LMBRD1: variants seen among roughly 807,000 people sequenced by gnomAD.
The protein encoded by LMBRD1 is lysosomal cobalamin transport escort protein LMBD1.
LMBRD1 carries 64 observed loss-of-function variants against 74.8 expected under a neutral mutation model. The observed-to-expected ratio is 0.86, with a 90% confidence interval of 0.70 to 1.05. LMBRD1 has a LOEUF of 1.05. Among genes scored for constraint, LMBRD1 ranks in the 50% least tolerant of loss-of-function variants. The pLI is 0.00. For missense variants in LMBRD1, 652 were observed against 645.9 expected (o/e 1.01, Z -0.10); for synonymous variants, 204 against 216.3 (o/e 0.94, Z 0.50).
At chr6:69,718,383 G>A (rs1273428111) in intron 8 of LMBRD1, among the ~76,000 whole-genome samples, 1 of 152,092 alleles carries the variant, frequency 6.6e-6, no homozygotes, top group Non-Finnish European at 1.5e-5. Flanking sequence ...AACAATGATA[G>A]AAATTCTCAA....
chr6:69,699,534 A>G (rs1766082229), intron 12 of LMBRD1, among the ~76,000 whole-genome samples: 1 of 151,790 alleles, frequency 6.6e-6, no homozygotes, highest in Non-Finnish European at 1.5e-5. Flanking sequence ...ATAATACTGC[A>G]TAAGAATAGA....
intron 4 of LMBRD1, among the ~76,000 whole-genome samples, chr6:69,749,742 T>C (rs1446684610): frequency 6.6e-6 from 1 of 151,286 alleles, no homozygotes; most frequent in Non-Finnish European, 1.5e-5. Flanking sequence ...GAATCTACAA[T>C]GCCCCAACCC....
In LMBRD1 at chr6:69,756,222, GCAT is replaced by G. The variant is rs562407872; in HGVS notation, c.308-3869_308-3867del. On this transcript the variant is annotated intron_variant, in intron 3 of 15. Coordinates refer to ENST00000649934, the MANE Select transcript of LMBRD1 (RefSeq NM_018368.4). ...CTAAAAATACAAAAAAACTAGCCAG[GCAT>G]GGTGGCAAGCACCCGTAATCCCAGC... Among the ~76,000 whole-genome samples, 800 of 152,112 alleles carry G rather than the reference GCAT, an allele frequency of 5.3e-3. 1 individual carries two copies. The highest frequency in any genetic ancestry group is 7.2e-3 in the Non-Finnish European group (487 of 67,994).
At chr6:69,719,492 A>G (rs759785907) in intron 7 of LMBRD1, among the ~76,000 whole-genome samples, 2 of 152,172 alleles carry the variant, frequency 1.3e-5, no homozygotes, top group African/African-American at 2.4e-5. Flanking sequence ...TTTAATATAT[A>G]CATGTTATTT....
chr6:69,690,980 T>C (rs1765864301), intron 14 of LMBRD1, among the ~76,000 whole-genome samples: 2 of 152,140 alleles, frequency 1.3e-5, no homozygotes, highest in African/African-American at 4.8e-5. Flanking sequence ...TATAATGCCA[T>C]AGTATTCTTT....
intron 9 of LMBRD1, among the ~76,000 whole-genome samples, chr6:69,712,297 A>G (rs964585534): frequency 6.6e-6 from 1 of 152,202 alleles, no homozygotes; most frequent in Non-Finnish European, 1.5e-5. Flanking sequence ...TTTAAGTACC[A>G]TAGTCCCAAG....
At chr6:69,791,637 C>T (rs1234359249) in intron 1 of LMBRD1, among the ~76,000 whole-genome samples, 2 of 152,166 alleles carry the variant, frequency 1.3e-5, no homozygotes, top group Admixed American at 6.5e-5. Context: ...GAGCATCCTA[C>T]AATTCCAGGG....
chr6:69,713,692 CAATG>C lies in LMBRD1; in HGVS notation c.864_867del (p.Phe288LeufsTer16). The C allele has an allele frequency of 6.2e-7, 1 of 1,613,696 alleles. No individual in the cohort carries two copies. The highest frequency in any genetic ancestry group is 1.1e-5 in the South Asian group (1 of 91,082). On this transcript the variant is annotated frameshift_variant, in exon 9 of 16. Transcript: ENST00000649934. LOFTEE classifies it high-confidence loss of function. ...CAAAATTTTGTCCACCAGCTGTTTT[CAATG>C]AATTCTAAATGCCTCTCTCTCTTCT...
chr6:69,687,278 C>T (rs1232786618), intron 14 of LMBRD1, among the ~76,000 whole-genome samples: 3 of 152,108 alleles, frequency 2.0e-5, no homozygotes, highest in African/African-American at 2.4e-5. Context: ...TTCTCCTGTA[C>T]CTAAAATTTC....
intron 2 of LMBRD1, among the ~76,000 whole-genome samples, chr6:69,782,263 A>G (rs943581866): frequency 3.3e-5 from 5 of 152,348 alleles, no homozygotes; most frequent in Middle Eastern, 3.4e-3. Context: ...GCTAGCCCAA[A>G]TGGGCCCTTC....
chr6:69,741,905 T>C (rs562849476), intron 5 of LMBRD1, 28 bp from the exon 6 acceptor site: 2 of 1,260,166 alleles, frequency 1.6e-6, no homozygotes, highest in African/African-American at 3.0e-5. Flanking sequence ...ATTGTTTTAA[T>C]AGCTTTAAAG....
At chr6:69,741,511 G>A (rs997823749) in intron 6 of LMBRD1, among the ~76,000 whole-genome samples, 40 of 151,960 alleles carry the variant, frequency 2.6e-4, no homozygotes, top group African/African-American at 8.2e-4. Context: ...TCAGCCTCCC[G>A]AGCAGCTGGG....
rs2149863424 is a variant in LMBRD1, at chr6:69,729,605, T to C, written c.636+8337A>G. 2.0e-5 allele frequency among the ~76,000 whole-genome samples: 3 copies of C among 152,208 alleles called. 1 individual carries two copies. In the South Asian group the frequency reaches 6.2e-4, roughly 32 times the overall value. On this transcript the variant is annotated intron_variant, in intron 7 of 15. Transcript: ENST00000649934. ...AGCTCTTAATTCACACAAAGTTATT[T>C]CCTTAAATGGAATTGATATACTTAT...
intron 8 of LMBRD1, among the ~76,000 whole-genome samples, chr6:69,716,366 T>C (rs1392676848): frequency 6.6e-6 from 1 of 152,142 alleles, no homozygotes; most frequent in Admixed American, 6.6e-5. Context: ...TCTCTAATGG[T>C]CAGTGATGTT....
rs1234202419 is a variant in LMBRD1 at position 69,674,092 on chromosome 6, C to G, written c.*2066G>C. 6.6e-6 allele frequency among the ~76,000 whole-genome samples: 1 copy of G among 152,176 alleles called. No individual in the cohort carries two copies. On this transcript the variant is annotated 3_prime_UTR_variant, in exon 16 of 16. Coordinates refer to ENST00000649934, the MANE Select transcript of LMBRD1 (RefSeq NM_018368.4). ...TAAAGGGTTGACAACACTGGATTCT[C>G]CTGAGGCCTCTCCTGTTGGCTTGCA... is the stretch of plus-strand genomic sequence containing the variant.
chr6:69,783,451 C>T (rs955755072), intron 2 of LMBRD1, among the ~76,000 whole-genome samples: 11 of 152,204 alleles, frequency 7.2e-5, no homozygotes, highest in Non-Finnish European at 1.6e-4. Flanking sequence ...TGGCTCACTG[C>T]AACCTAGACC....
chr6:69,793,506 T>C (rs1766136755), intron 1 of LMBRD1, among the ~76,000 whole-genome samples: 2 of 152,214 alleles, frequency 1.3e-5, no homozygotes, highest in Admixed American at 1.3e-4. Context: ...AGTCTCCTAT[T>C]GTAATGGCAA....
At chr6:69,769,933 C>T (rs182521682) in intron 3 of LMBRD1, among the ~76,000 whole-genome samples, 58 of 152,230 alleles carry the variant, frequency 3.8e-4, no homozygotes, top group East Asian at 1.9e-4. Context: ...AATGAACCTG[C>T]ATATTGGTAG....
At chr6:69,682,868 T>C (rs1013580330) in intron 14 of LMBRD1, among the ~76,000 whole-genome samples, 19 of 152,102 alleles carry the variant, frequency 1.2e-4, no homozygotes, top group Admixed American at 3.9e-4. Flanking sequence ...ATGTGTGGTA[T>C]ATGGTGCTAG....
Sources: allele counts gnomAD v4.1 joint callset (sites outside exome capture counted in the v4.1 genomes callset), GRCh38; gene constraint gnomAD v4.1.1; transcripts MANE v1.5; gene names NCBI Gene and HGNC (gene_info 2026-07-23, HGNC 2026-07-21).